The following DOCK8 variants were observed in gnomAD, a reference collection of about 807,000 sequenced individuals.
The protein encoded by DOCK8 is dedicator of cytokinesis 8.
DOCK8 carries 141 observed loss-of-function variants against 245.6 expected under a neutral mutation model. The observed-to-expected ratio is 0.57, with a 90% CI of 0.50 to 0.66. The LOEUF (loss-of-function observed/expected upper bound fraction) is 0.66, where lower values mean the gene tolerates loss of function less well. DOCK8 is among the 30% of genes least tolerant of loss of function. DOCK8 has a pLI of 0.00. For synonymous variants in DOCK8, 1,168 were observed against 970.2 expected (o/e 1.20, Z -3.79); for missense variants, 2,965 against 2,603.4 (o/e 1.14, Z -3.02).
intron 14 of DOCK8, among the ~76,000 whole-genome samples, chr9:355,496 C>T (rs1169550826): frequency 2.0e-5 from 3 of 151,954 alleles, no homozygotes; most frequent in Non-Finnish European, 4.4e-5. Flanking sequence ...GCCACCGTGC[C>T]CAGCCCAGAA....
chr9:222,048 C>A (rs547707587), intron 1 of DOCK8, among the ~76,000 whole-genome samples: 1 of 151,746 alleles, frequency 6.6e-6, no homozygotes, highest in East Asian at 1.9e-4. Flanking sequence ...TCAGTTGAGC[C>A]CAGGAGTTCA....
chr9:346,412 A>G (rs986518856), intron 14 of DOCK8, among the ~76,000 whole-genome samples: 1 of 152,174 alleles, frequency 6.6e-6, no homozygotes, highest in African/African-American at 2.4e-5. Flanking sequence ...TGCGGCCGCC[A>G]GAGGGGTATG....
chr9:311,827 G>A, intron 5 of DOCK8, 127 bp from the exon 6 acceptor site: 1 of 1,170,192 alleles, frequency 8.5e-7, no homozygotes, highest in Non-Finnish European at 1.3e-6. Context: ...AGTTTCTTCA[G>A]AAGACTTGAG....
At chr9:282,509 C>T (rs1463461773) in intron 2 of DOCK8, among the ~76,000 whole-genome samples, 1 of 150,144 alleles carries the variant, frequency 6.7e-6, no homozygotes, top group Admixed American at 6.6e-5. Context: ...GCCTCGAACT[C>T]CTGGGCTCAG....
At position 386,362 on chromosome 9, in the gene DOCK8, A is replaced by C. The variant is rs1411702752; in HGVS notation, c.2810A>C (p.Tyr937Ser). 5 of 1,614,024 alleles carry C rather than the reference A, an allele frequency of 3.1e-6. No homozygotes were observed. In the South Asian group the frequency reaches 4.4e-5, roughly 14 times the overall value. The change falls in exon 23 of 48, where the codon TAC becomes TCC. Residue 937 changes from tyrosine (Y) to serine (S), a missense_variant. Coordinates refer to ENST00000432829, the MANE Select transcript of DOCK8 (RefSeq NM_203447.4). ...GATCGCAACTGCAGCCGAATGTCTT[A>C]CTATTGCTCTGGCAGTAGTGATGCT... is the stretch of plus-strand genomic sequence containing the variant. ...IADRNCSRMS[Y>S]YCSGSSDAPS...
intron 23 of DOCK8, 130 bp downstream of exon 23, chr9:386,556 C>CCACACA (rs2053964036): frequency 1.3e-6 from 1 of 757,332 alleles, no homozygotes; most frequent in Non-Finnish European, 2.3e-6. Context: ...ACACACACAC[C>CCACACA]CCACACACAC....
chr9:343,493 A>C (rs1322056663), intron 14 of DOCK8, among the ~76,000 whole-genome samples: 1 of 152,176 alleles, frequency 6.6e-6, no homozygotes, highest in Non-Finnish European at 1.5e-5. Context: ...TCTAAAAAAA[A>C]AAAAATAATT....
rs199940668 is a variant in DOCK8, at chr9:336,577, T to A, written c.1286-5T>A. 3.5e-5 allele frequency: 57 copies of A among 1,614,060 alleles called. No individual in the cohort carries two copies. Among genetic ancestry groups the A allele is most frequent in the Non-Finnish European group, 4.2e-5 (50 of 1,180,028 alleles). On this transcript the variant is annotated splice_region_variant and splice_polypyrimidine_tract_variant and intron_variant, in intron 11 of 47. Transcript: ENST00000432829. ...ACTTTGGAGTGACAATTGTTTTTCT[T>A]AAAGGGAGAAGCTCAGTGGGTGAAC... is the stretch of plus-strand genomic sequence containing the variant.
At chr9:344,760 A>C (rs7869892) in intron 14 of DOCK8, among the ~76,000 whole-genome samples, 7 of 152,078 alleles carry the variant, frequency 4.6e-5, no homozygotes, top group African/African-American at 4.8e-5. Context: ...GAGTATTATC[A>C]TTTTGGGCCA....
chr9:262,393 T>C (rs147960351), intron 1 of DOCK8, among the ~76,000 whole-genome samples: 1 of 150,216 alleles, frequency 6.7e-6, no homozygotes, highest in East Asian at 2.0e-4. Flanking sequence ...CAACTTTATT[T>C]GTAATAGGTA....
chr9:261,650 A>G (rs2047920561), intron 1 of DOCK8, among the ~76,000 whole-genome samples: 1 of 152,162 alleles, frequency 6.6e-6, no homozygotes, highest in Non-Finnish European at 1.5e-5. Context: ...AGCTCTGTGT[A>G]TCTCTGGGTT....
At chr9:460,608 T>C (rs961271777) in intron 46 of DOCK8, 2 of 152,272 alleles carry the variant, frequency 1.3e-5, no homozygotes, top group Non-Finnish European at 2.9e-5. Flanking sequence ...TCCTATAATT[T>C]GCTTCAATTA....
At chr9:343,547 C>T (rs1443822548) in intron 14 of DOCK8, among the ~76,000 whole-genome samples, 1 of 151,814 alleles carries the variant, frequency 6.6e-6, no homozygotes, top group African/African-American at 2.4e-5. Flanking sequence ...GCTATTCACA[C>T]AGGAATGGAG....
chr9:436,181 C>T (rs187334203), intron 39 of DOCK8, among the ~76,000 whole-genome samples: 72 of 152,324 alleles, frequency 4.7e-4, no homozygotes, highest in Admixed American at 2.9e-3. Flanking sequence ...TGAATAACTC[C>T]TCCTTTCTTA....
At chr9:214,625 G>A (rs758133996), upstream of DOCK8, 8 of 1,613,276 alleles carry the variant, frequency 5.0e-6, no homozygotes, top group Non-Finnish European at 6.8e-6. Context: ...CCTGCGCGCA[G>A]TGGTCGCCTG....
At chr9:240,091 C>T (rs1040774230) in intron 1 of DOCK8, among the ~76,000 whole-genome samples, 1 of 152,106 alleles carries the variant, frequency 6.6e-6, no homozygotes, top group Non-Finnish European at 1.5e-5. Context: ...TGTGTGGCTC[C>T]CTTGTTTTCC....
At chr9:341,377 A>C (rs964032014) in intron 14 of DOCK8, among the ~76,000 whole-genome samples, 1 of 152,174 alleles carries the variant, frequency 6.6e-6, no homozygotes, top group Non-Finnish European at 1.5e-5. Flanking sequence ...ATGCTCATGC[A>C]CTTCTTTATT....
chr9:233,444 G>A (rs541319619), intron 1 of DOCK8, among the ~76,000 whole-genome samples: 2 of 152,158 alleles, frequency 1.3e-5, no homozygotes, highest in South Asian at 2.1e-4. Flanking sequence ...TCAATTCCTC[G>A]GTATCCTTGT....
In DOCK8 at chr9:401,892, A is replaced by C. The variant is rs1400647092; in HGVS notation, c.3234+2633A>C. Among the ~76,000 whole-genome samples, 35 of 152,184 alleles carry C rather than the reference A, an allele frequency of 2.3e-4. 2 individuals carry two copies. Among genetic ancestry groups the C allele is most frequent in the Admixed American group, 2.3e-3 (35 of 15,280 alleles). Reference sequence around the variant, plus strand: ...AAAAGAATCCTAAGGAAACATCAGAAGTCCCCAAGCATCCCCATCCCATGC... The same window carrying C: ...AAAAGAATCCTAAGGAAACATCAGACGTCCCCAAGCATCCCCATCCCATGC... On this transcript the variant is annotated intron_variant, in intron 26 of 47. Coordinates refer to ENST00000432829, the MANE Select transcript of DOCK8 (RefSeq NM_203447.4).
Sources: gnomAD v4.1 joint callset for allele counts (sites outside exome capture counted in the v4.1 genomes callset) on GRCh38, gnomAD v4.1.1 for gene constraint, MANE v1.5 for transcripts, NCBI Gene and HGNC (gene_info 2026-07-23, HGNC 2026-07-21) for gene names.